RALYL: variants seen among roughly 807,000 people sequenced by gnomAD.
RALYL encodes the protein RALY RNA binding protein like.
A neutral mutation model predicts 35.1 loss-of-function variants in RALYL; 29 were observed. That is an observed-to-expected ratio of 0.83 (90% confidence interval 0.61 to 1.13). The LOEUF (loss-of-function observed/expected upper bound fraction) is 1.13. RALYL is among the 50% of genes most tolerant of loss of function. The pLI, the probability that RALYL is intolerant of heterozygous loss-of-function variation, is 0.00. For missense variants in RALYL, 359 were observed against 360.4 expected, an observed-to-expected ratio of 1.00 and a Z score of 0.03; for synonymous variants, 120 against 127.6, an observed-to-expected ratio of 0.94 and a Z score of 0.40.
chr8:84,599,915 GTT>G (rs754529728), intron 2 of RALYL, among the ~76,000 whole-genome samples: 64 of 134,878 alleles, frequency 4.7e-4, no homozygotes, highest in African/African-American at 1.6e-3. Context: ...AGCAGGAGGT[GTT>G]TTTTTTTTTT....
At chr8:84,637,437 C>A (rs1004235731) in intron 2 of RALYL, among the ~76,000 whole-genome samples, 1 of 151,798 alleles carries the variant, frequency 6.6e-6, no homozygotes, top group Non-Finnish European at 1.5e-5. Context: ...TCCCATCAGG[C>A]CTGCAAGAAT....
intron 1 of RALYL, among the ~76,000 whole-genome samples, chr8:84,519,222 C>T (rs1395535112): frequency 6.6e-6 from 1 of 152,078 alleles, no homozygotes; most frequent in Non-Finnish European, 1.5e-5. Flanking sequence ...GTCATATACT[C>T]TATTTTACAT....
At chr8:84,480,879 AAAGT>A (rs1338613043) in intron 1 of RALYL, among the ~76,000 whole-genome samples, 5 of 152,190 alleles carry the variant, frequency 3.3e-5, no homozygotes, top group Admixed American at 2.6e-4. Context: ...ATGACCTTAT[AAAGT>A]AAGGAGCTCA....
intron 2 of RALYL, among the ~76,000 whole-genome samples, chr8:84,533,795 T>C (rs796951281): frequency 4.6e-4 from 70 of 152,272 alleles, no homozygotes; most frequent in African/African-American, 1.4e-3. Flanking sequence ...AAAGTAAATA[T>C]GGTGAATATA....
chr8:84,408,583 C>A lies in RALYL; in HGVS notation c.-23-120716C>A, dbSNP rs2043788199. Among the ~76,000 whole-genome samples the A allele has an allele frequency of 2.6e-5, 4 of 152,088 alleles. No homozygotes were observed. In the South Asian group the frequency reaches 8.3e-4, roughly 32 times the overall value. On this transcript the variant is annotated intron_variant, in intron 1 of 8. Coordinates refer to ENST00000521268, the MANE Select transcript of RALYL (RefSeq NM_173848.7). The stretch of plus-strand genomic sequence containing the variant: ...CAGCATGGGGTGGATGAATAAGTGT[C>A]CATGGACGCTCTCTATGTAGTCATT...
At chr8:84,315,783 G>A (rs1843648755) in intron 1 of RALYL, among the ~76,000 whole-genome samples, 1 of 149,960 alleles carries the variant, frequency 6.7e-6, no homozygotes, top group Non-Finnish European at 1.5e-5. Flanking sequence ...TATTTAATTT[G>A]AGCAAGAAGT....
chr8:84,382,567 A>C (rs990315757), intron 1 of RALYL, among the ~76,000 whole-genome samples: 4 of 151,772 alleles, frequency 2.6e-5, no homozygotes, highest in African/African-American at 9.7e-5. Context: ...AAGCTATTTT[A>C]AATGCTTATT....
Position 84,873,343 on chromosome 8 carries a change from G to T in RALYL, c.631G>T (p.Asp211Tyr). 6.2e-7 allele frequency: 1 copy of T among 1,602,930 alleles called. No homozygotes were observed. The highest frequency in any genetic ancestry group is 8.5e-7 in the Non-Finnish European group (1 of 1,174,678). ...KELTQIKTKI[D>Y]SLLGRLEKIE... Reference sequence around the variant, plus strand: ...ATTAACCCAGATCAAAACTAAAATTGACTCCTTGCTAGGGCGCCTGGAGAA... The same window carrying T: ...ATTAACCCAGATCAAAACTAAAATTTACTCCTTGCTAGGGCGCCTGGAGAA... The change falls in exon 7 of 9, where the codon GAC becomes TAC. Residue 211 changes from aspartate (D) to tyrosine (Y), a missense_variant. Coordinates refer to ENST00000521268, the MANE Select transcript of RALYL (RefSeq NM_173848.7).
chr8:84,567,735 G>A (rs2061888562), intron 2 of RALYL, among the ~76,000 whole-genome samples: 1 of 150,782 alleles, frequency 6.6e-6, no homozygotes, highest in Non-Finnish European at 1.5e-5. Flanking sequence ...TAGTGGGATT[G>A]CTGGATTGGA....
At chr8:84,356,516 G>T (rs1035371622) in intron 1 of RALYL, among the ~76,000 whole-genome samples, 6 of 150,110 alleles carry the variant, frequency 4.0e-5, no homozygotes, top group South Asian at 2.1e-4. Flanking sequence ...GATGGAACAG[G>T]AAAGTATTAA....
chr8:84,661,956 C>A (rs1293397473), intron 2 of RALYL, among the ~76,000 whole-genome samples: 1 of 141,546 alleles, frequency 7.1e-6, no homozygotes, highest in Non-Finnish European at 1.5e-5. Context: ...TTTTTTTTTT[C>A]CTTGTGGTCC....
chr8:84,861,952 GT>G (rs967362876), intron 5 of RALYL, among the ~76,000 whole-genome samples: 1 of 152,182 alleles, frequency 6.6e-6, no homozygotes, highest in African/African-American at 2.4e-5. Context: ...GTGTAAATCT[GT>G]TTTACCAAGC....
intron 1 of RALYL, among the ~76,000 whole-genome samples, chr8:84,222,012 C>T (rs9298423): frequency 0.39 from 59,759 of 151,640 alleles, 11,907 homozygotes; most frequent in Non-Finnish European, 0.43. Context: ...TTTAAATATT[C>T]TGAGGTAGAT....
chr8:84,243,825 C>T (rs1363197166), intron 1 of RALYL, among the ~76,000 whole-genome samples: 1 of 152,136 alleles, frequency 6.6e-6, no homozygotes, highest in Admixed American at 6.6e-5. Context: ...CATTACCTGG[C>T]TTCACAGAGT....
intron 1 of RALYL, among the ~76,000 whole-genome samples, chr8:84,197,737 T>C (rs1419109790): frequency 6.8e-6 from 1 of 147,190 alleles, no homozygotes; most frequent in South Asian, 2.2e-4. Context: ...CGAGACTGCC[T>C]GGGCAATATA....
chr8:84,468,469 GC>G (rs2052100290), intron 1 of RALYL, among the ~76,000 whole-genome samples: 1 of 148,184 alleles, frequency 6.7e-6, no homozygotes, highest in East Asian at 2.0e-4. Flanking sequence ...TTGAACATTG[GC>G]CCCCACTCTC....
At position 84,183,611 on chromosome 8, in the gene RALYL, T is replaced by C. The variant is rs1289308068; in HGVS notation, c.-837T>C. The C allele has an allele frequency of 6.6e-6, 1 of 152,498 alleles. No individual in the cohort carries two copies. Among genetic ancestry groups the C allele is most frequent in the Non-Finnish European group, 1.5e-5 (1 of 68,150 alleles). 9.4% of individuals were successfully genotyped at this position (152,498 alleles called of 1,614,324 possible). ...CCTTCTCAGTGGCATTCTTGTCCTA[T>C]TCTTTTTTTTGTCCTTTTTTTTGGT... On this transcript the variant is annotated 5_prime_UTR_variant, in exon 1 of 9. Transcript: ENST00000521268.
intron 2 of RALYL, among the ~76,000 whole-genome samples, chr8:84,622,433 T>C (rs1230397832): frequency 6.6e-6 from 1 of 152,182 alleles, no homozygotes; most frequent in African/African-American, 2.4e-5. Flanking sequence ...GTTCTAAGTA[T>C]TTAAAAATTT....
chr8:84,895,052 A>G (rs1229035799), intron 8 of RALYL, among the ~76,000 whole-genome samples: 1 of 152,156 alleles, frequency 6.6e-6, no homozygotes, highest in Non-Finnish European at 1.5e-5. Flanking sequence ...CTAATGTCTA[A>G]AAGGCACATG....
Sources: gnomAD v4.1 joint callset for allele counts (sites outside exome capture counted in the v4.1 genomes callset) on GRCh38, gnomAD v4.1.1 for gene constraint, MANE v1.5 for transcripts, NCBI Gene and HGNC (gene_info 2026-07-23, HGNC 2026-07-21) for gene names.